INVS: variants seen among roughly 807,000 people sequenced by gnomAD.
INVS encodes inversin.
INVS carries 86 observed loss-of-function variants against 108.8 expected under a neutral mutation model. That is an observed-to-expected ratio of 0.79 (90% confidence interval 0.66 to 0.95). The LOEUF (loss-of-function observed/expected upper bound fraction) is 0.95. INVS is among the 40% of genes least tolerant of loss of function. The probability of loss-of-function intolerance (pLI) is 0.00; values close to 1 mark genes in which losing one functional copy is unlikely to be tolerated. For missense variants in INVS, 1,169 were observed against 1,297.4 expected, an observed-to-expected ratio of 0.90 and a Z score of 1.52; for synonymous variants, 455 against 473.5, an observed-to-expected ratio of 0.96 and a Z score of 0.51.
At chr9:100,231,929 A>T (rs1433142548) in intron 5 of INVS, among the ~76,000 whole-genome samples, 1 of 152,188 alleles carries the variant, frequency 6.6e-6, no homozygotes, top group Non-Finnish European at 1.5e-5. Flanking sequence ...GAGTCACCGC[A>T]CTGTCTTCCA....
At chr9:100,249,645 C>G (rs1832158988) in intron 8 of INVS, among the ~76,000 whole-genome samples, 1 of 151,868 alleles carries the variant, frequency 6.6e-6, no homozygotes, top group South Asian at 2.1e-4. Context: ...CAGGTGCCCA[C>G]CACTATGCTG....
intron 3 of INVS, among the ~76,000 whole-genome samples, chr9:100,206,326 A>G (rs1436502831): frequency 1.3e-5 from 2 of 152,102 alleles, no homozygotes; most frequent in African/African-American, 4.8e-5. Flanking sequence ...CCTTTAATGG[A>G]CATGTTATTA....
chr9:100,143,498 C>T (rs960082273), intron 3 of INVS, among the ~76,000 whole-genome samples: 2 of 151,696 alleles, frequency 1.3e-5, no homozygotes, highest in African/African-American at 4.9e-5. Flanking sequence ...GGTGCAGGAT[C>T]GGTCACTAAG....
chr9:100,260,187 T>C (rs997603936), intron 10 of INVS, among the ~76,000 whole-genome samples: 1 of 80,196 alleles, frequency 1.2e-5, no homozygotes, highest in African/African-American at 3.3e-5. Context: ...TTTTCTTTTC[T>C]TTTTTTTTTT....
chr9:100,185,798 A>C (rs1240107169), intron 3 of INVS, among the ~76,000 whole-genome samples: 1 of 151,956 alleles, frequency 6.6e-6, no homozygotes. Flanking sequence ...GTGAGAACAT[A>C]CAGTATTTGA....
chr9:100,116,687 T>G, intron 2 of INVS: 1 of 492,334 alleles, frequency 2.0e-6, no homozygotes, highest in East Asian at 3.7e-5. Context: ...TTTTATATAG[T>G]TATAGGTTTT....
rs200314659 is a variant in INVS, at chr9:100,301,139, T to TCTCACACACACACACACACACACACA, written c.*466_*467insTCACACACACACACACACACACACAC. 1.3e-4 allele frequency: 22 copies of TCTCACACACACACACACACACACACA among 167,570 alleles called. No homozygotes were observed. The highest frequency in any genetic ancestry group is 7.6e-4 in the African/African-American group (21 of 27,730). 10.4% of individuals were successfully genotyped at this position (167,570 alleles called of 1,614,324 possible). ...CCTGGCATCTAATGCAACAAACTTA[T>TCTCACACACACACACACACACACACA]CACACACACACACACACACACACAC... is the stretch of plus-strand genomic sequence containing the variant. On this transcript the variant is annotated 3_prime_UTR_variant, in exon 17 of 17. Transcript: ENST00000262457.
At chr9:100,118,765 A>G (rs1015039142) in intron 2 of INVS, among the ~76,000 whole-genome samples, 2 of 151,864 alleles carry the variant, frequency 1.3e-5, no homozygotes, top group African/African-American at 2.4e-5. Context: ...GGTTCAAGCG[A>G]TTCTCCTGCC....
Position 100,196,897 on chromosome 9 carries a change from T to G in INVS, c.274-29165T>G, listed in dbSNP as rs1025197918. On this transcript the variant is annotated intron_variant, in intron 3 of 16. Coordinates refer to ENST00000262457, the MANE Select transcript of INVS (RefSeq NM_014425.5). ...CACTTCACCTGTTTGGGTTTTTTTC[T>G]GCTCTCTCACTCGACACAAAATCAA... Among the ~76,000 whole-genome samples, 6 of 152,222 alleles carry G rather than the reference T, an allele frequency of 3.9e-5. No individual in the cohort carries two copies. The East Asian group carries it at 1.2e-3, about 29-fold the overall frequency.
intron 3 of INVS, among the ~76,000 whole-genome samples, chr9:100,149,306 GC>G (rs145384868): frequency 0.014 from 2,074 of 152,254 alleles, 35 homozygotes; most frequent in African/African-American, 0.048. Context: ...CATTTGTGAT[GC>G]CCACATTACT....
At chr9:100,122,255 A>G (rs1827746626) in intron 2 of INVS, among the ~76,000 whole-genome samples, 1 of 152,188 alleles carries the variant, frequency 6.6e-6, no homozygotes, top group Non-Finnish European at 1.5e-5. Flanking sequence ...TCCAGCAATT[A>G]TTGAGAGAAG....
chr9:100,212,102 TA>T (rs1472893547), intron 3 of INVS, among the ~76,000 whole-genome samples: 3 of 152,194 alleles, frequency 2.0e-5, no homozygotes, highest in Non-Finnish European at 4.4e-5. Flanking sequence ...TTGATTGCTG[TA>T]ACTGTTTGCT....
At position 100,229,727 on chromosome 9, in the gene INVS, A is replaced by G. The variant is rs377683634; in HGVS notation, c.515A>G (p.Asp172Gly). The G allele has an allele frequency of 2.5e-6, 4 of 1,613,950 alleles. No homozygotes were observed. The African/African-American group carries it at 5.3e-5, about 22-fold the overall frequency. ...PEHVKLLIKH[D>G]SNIGIPDVEG... ...CATGTGAAGCTGCTCATCAAGCATG[A>G]TTCTAACATTGGGATTCCTGATGTT... Residue 172 changes from aspartate to glycine, a missense_variant, in exon 5 of 17, where the codon GAT becomes GGT. By Grantham distance (94) the Asp-to-Gly change is moderately conservative. Coordinates refer to ENST00000262457, the MANE Select transcript of INVS (RefSeq NM_014425.5).
chr9:100,259,456 G>A (rs1441987477), intron 10 of INVS, among the ~76,000 whole-genome samples: 1 of 151,940 alleles, frequency 6.6e-6, no homozygotes, highest in Non-Finnish European at 1.5e-5. Flanking sequence ...GATGAACCCG[G>A]TACCTCAGTT....
At chr9:100,111,583 G>T (rs941834119) in intron 2 of INVS, among the ~76,000 whole-genome samples, 2 of 152,232 alleles carry the variant, frequency 1.3e-5, no homozygotes, top group Non-Finnish European at 2.9e-5. Flanking sequence ...GTAGCCAGCT[G>T]CTTTCTATAT....
intron 3 of INVS, among the ~76,000 whole-genome samples, chr9:100,203,529 G>T: frequency 8.5e-6 from 1 of 117,704 alleles, no homozygotes. Flanking sequence ...TTGAAACAGA[G>T]TCTCACTCTA....
At chr9:100,175,624 G>T (rs554801895) in intron 3 of INVS, 1 of 674,200 alleles carries the variant, frequency 1.5e-6, no homozygotes, top group Admixed American at 1.9e-5. Flanking sequence ...CCAAAGAATA[G>T]CAATGGTGTG....
intron 2 of INVS, among the ~76,000 whole-genome samples, chr9:100,108,223 G>GA (rs1827236618): frequency 1.3e-5 from 2 of 152,118 alleles, no homozygotes; most frequent in Admixed American, 1.3e-4. Flanking sequence ...CTGAAACCTT[G>GA]AAAATCCCCA....
At chr9:100,115,447 C>G (rs978903192) in intron 2 of INVS, among the ~76,000 whole-genome samples, 51 of 152,068 alleles carry the variant, frequency 3.4e-4, no homozygotes, top group Non-Finnish European at 6.8e-4. Context: ...AATGCTATGC[C>G]TCCCCCGTCC....
Sources: gnomAD v4.1 joint callset for allele counts (sites outside exome capture counted in the v4.1 genomes callset) on GRCh38, gnomAD v4.1.1 for gene constraint, MANE v1.5 for transcripts, NCBI Gene and HGNC (gene_info 2026-07-23, HGNC 2026-07-21) for gene names.